CLTC: variants seen among roughly 807,000 people sequenced by gnomAD.
The protein encoded by CLTC is clathrin heavy chain, also known as clathrin heavy chain 1.
In CLTC, 16 loss-of-function variants were observed where a neutral mutation model predicts 195.8. The ratio of observed to expected loss-of-function variants is 0.08; its 90% confidence interval spans 0.06 to 0.12. The LOEUF is 0.12. Among genes scored for constraint, CLTC ranks in the 10% least tolerant of loss-of-function variants. The probability of loss-of-function intolerance (pLI) is 1.00; values close to 1 mark genes in which losing one functional copy is unlikely to be tolerated. For missense variants in CLTC, 796 were observed against 2,027.0 expected (o/e 0.39, Z 11.66); for synonymous variants, 667 against 689.4 (o/e 0.97, Z 0.51).
At chr17:59,687,487 G>T (rs1366160382) in intron 30 of CLTC, among the ~76,000 whole-genome samples, 55 of 141,998 alleles carry the variant, frequency 3.9e-4, no homozygotes, top group East Asian at 1.2e-3. Flanking sequence ...GCTTTTTGGG[G>T]TTTTTTTTTT....
intron 8 of CLTC, among the ~76,000 whole-genome samples, 171 bp downstream of exon 8, chr17:59,661,814 A>AT (rs1275997980): frequency 6.6e-6 from 1 of 151,980 alleles, no homozygotes; most frequent in Non-Finnish European, 1.5e-5. Flanking sequence ...AAAAATATAT[A>AT]TTTTTTCGCC....
At chr17:59,653,262 C>T (rs796876731) in intron 5 of CLTC, among the ~76,000 whole-genome samples, 25 of 150,034 alleles carry the variant, frequency 1.7e-4, no homozygotes, top group East Asian at 1.2e-3. Flanking sequence ...GGTGCGATCT[C>T]GGCTCACTGC....
intron 14 of CLTC, chr17:59,671,052 TAG>T (rs1399802817): frequency 2.0e-5 from 3 of 152,208 alleles, no homozygotes; most frequent in Non-Finnish European, 4.4e-5. Flanking sequence ...TTGTATACTA[TAG>T]ATGTTTAGGC....
In CLTC at chr17:59,685,255, T is replaced by C; in HGVS notation, c.4605+29T>C. On this transcript the variant is annotated intron_variant, in intron 29 of 31. Coordinates refer to ENST00000269122, the MANE Select transcript of CLTC (RefSeq NM_004859.4). This position sits in a 1 kb window ranked among gnomAD's most constrained non-coding sequence, Gnocchi z 5.0. ...GATAAAGTTGCGGGGCAGGGGCTGTTTTAAACCAGGCCTAAAATGGTGTTA... is the reference window on the plus strand; with the variant it reads ...GATAAAGTTGCGGGGCAGGGGCTGTCTTAAACCAGGCCTAAAATGGTGTTA... 1 of 1,552,376 alleles carries C rather than the reference T, an allele frequency of 6.4e-7. No homozygotes were observed. The highest frequency in any genetic ancestry group is 8.7e-7 in the Non-Finnish European group (1 of 1,145,170).
At chr17:59,656,834 C>T (rs1174701045) in intron 6 of CLTC, among the ~76,000 whole-genome samples, 4 of 151,714 alleles carry the variant, frequency 2.6e-5, no homozygotes, top group Admixed American at 1.3e-4. Context: ...TCACTGCACC[C>T]GGCTAATTTC....
intron 1 of CLTC, among the ~76,000 whole-genome samples, chr17:59,636,651 TCTTGTATTTG>T (rs2031869478): frequency 6.6e-6 from 1 of 152,096 alleles, no homozygotes; most frequent in African/African-American, 2.4e-5. Context: ...CCATACCCAG[TCTTGTATTTG>T]CTTGTATTTG....
chr17:59,621,489 T>G (rs1171841311), intron 1 of CLTC, among the ~76,000 whole-genome samples: 3 of 152,230 alleles, frequency 2.0e-5, no homozygotes, highest in Non-Finnish European at 4.4e-5. Context: ...AGGATTCTTG[T>G]TAATAAAAGG....
intron 8 of CLTC, among the ~76,000 whole-genome samples, chr17:59,661,863 GA>G (rs1468116030): frequency 2.0e-5 from 3 of 152,130 alleles, no homozygotes; most frequent in Admixed American, 2.0e-4. Flanking sequence ...AGCACTTTGG[GA>G]GGCCATGGTG....
chr17:59,628,279 C>G (rs2031609244), intron 1 of CLTC, among the ~76,000 whole-genome samples: 1 of 152,168 alleles, frequency 6.6e-6, no homozygotes, highest in African/African-American at 2.4e-5. Flanking sequence ...TTGATTATGT[C>G]AGGTTTTCAA....
At position 59,683,876 on chromosome 17, in the gene CLTC, T is replaced by C. The variant is rs1043437018; in HGVS notation, c.4325T>C (p.Val1442Ala). The C allele has an allele frequency of 4.3e-6, 7 of 1,613,340 alleles. No homozygotes were observed. The Admixed American group carries it at 6.7e-5, about 15-fold the overall frequency. ...HTRAVNYFSKVKQLPLVKPYL... is the reference protein window; with the variant it reads ...HTRAVNYFSKAKQLPLVKPYL... ...TGTAACAAACTCTTTATTTTAAAGG[T>C]TAAACAGCTACCACTGGTGAAACCG... is the stretch of plus-strand genomic sequence containing the variant. The change falls in exon 28 of 32, where the codon GTT (valine) becomes GCT (alanine). Residue 1442 changes from valine (V) to alanine (A), a missense_variant and splice_region_variant. Coordinates refer to ENST00000269122, the MANE Select transcript of CLTC (RefSeq NM_004859.4). This position sits in a 1 kb window ranked among gnomAD's most constrained non-coding sequence, Gnocchi z 6.1.
Position 59,696,681 on chromosome 17 carries a change from G to T in CLTC, c.*2829G>T, listed in dbSNP as rs2033435133. ...AAAGGGAAAAAAGGCACCCTTAATT[G>T]TCAAAGTTAGTTCTAGGAAAAAATA... On this transcript the variant is annotated 3_prime_UTR_variant, in exon 32 of 32. Coordinates refer to ENST00000269122, the MANE Select transcript of CLTC (RefSeq NM_004859.4). The T allele has an allele frequency of 4.8e-6, 1 of 208,692 alleles. No homozygotes were observed. The highest frequency in any genetic ancestry group is 7.3e-5 in the East Asian group (1 of 13,762). The allele number at this position is 208,692 out of a possible 1,614,324, so 12.9% of individuals were successfully genotyped here. A position where few individuals can be genotyped will look rare whatever the true frequency, so the allele number is the denominator to read the frequency against.
intron 10 of CLTC, 139 bp downstream of exon 10, chr17:59,665,048 G>C (rs2032696401): frequency 9.0e-7 from 1 of 1,109,762 alleles, no homozygotes; most frequent in African/African-American, 1.6e-5. Flanking sequence ...AACATTGTGA[G>C]ACCCTGTAAC....
intron 15 of CLTC, among the ~76,000 whole-genome samples, chr17:59,674,421 A>G (rs1419304970): frequency 1.3e-5 from 2 of 152,106 alleles, no homozygotes; most frequent in African/African-American, 4.8e-5. Context: ...TATTTATCAT[A>G]TGGAACAATG....
At chr17:59,663,532 A>G (rs1028594302) in intron 8 of CLTC, among the ~76,000 whole-genome samples, 1 of 152,228 alleles carries the variant, frequency 6.6e-6, no homozygotes, top group African/African-American at 2.4e-5. Flanking sequence ...CTTAGTAGCT[A>G]GAAGTACAAG....
In CLTC at chr17:59,695,706, A is replaced by C. The variant is rs1170314709; in HGVS notation, c.*1854A>C. Reference sequence around the variant, plus strand: ...CTATTTAGTTTCATCCAGGACATTAAGTGAAAGTGTTTAATGTGAGTGCAG... The same window carrying C: ...CTATTTAGTTTCATCCAGGACATTACGTGAAAGTGTTTAATGTGAGTGCAG... On this transcript the variant is annotated 3_prime_UTR_variant, in exon 32 of 32. Transcript: ENST00000269122. 5.2e-6 allele frequency: 1 copy of C among 191,548 alleles called. No homozygotes were observed. Among genetic ancestry groups the C allele is most frequent in the East Asian group, 8.3e-5 (1 of 12,012 alleles). The allele number at this position is 191,548 out of a possible 1,614,324, so 11.9% of individuals were successfully genotyped here. A position where few individuals can be genotyped will look rare whatever the true frequency, so the allele number is the denominator to read the frequency against.
At chr17:59,629,205 G>A (rs1430981388) in intron 1 of CLTC, among the ~76,000 whole-genome samples, 1 of 152,134 alleles carries the variant, frequency 6.6e-6, no homozygotes, top group African/African-American at 2.4e-5. Flanking sequence ...TGGTCATATT[G>A]AACTATGAAA....
At position 59,631,947 on chromosome 17, in the gene CLTC, C is replaced by T. The variant is rs143905243; in HGVS notation, c.42+11774C>T. ...GTCATGCCACTGCACTCAAACCTGG[C>T]GGACAGAGTGAGACCCTATCTCAAA... On this transcript the variant is annotated intron_variant, in intron 1 of 31. Transcript: ENST00000269122. Among the ~76,000 whole-genome samples the T allele has an allele frequency of 5.7e-3, 809 of 140,716 alleles. 2 individuals carry two copies. The highest frequency in any genetic ancestry group is 0.012 in the Middle Eastern group (3 of 256). 92.3% of individuals were successfully genotyped at this position (140,716 alleles called of 152,430 possible).
At chr17:59,690,004 CAATT>C (rs1752485116) in intron 30 of CLTC, 2 of 152,322 alleles carry the variant, frequency 1.3e-5, no homozygotes, top group South Asian at 2.1e-4. Flanking sequence ...ACTTTTGGCT[CAATT>C]AAAAGCAAAC....
rs2032858029 is a variant in CLTC, at chr17:59,672,011, C to G, written c.2293-1636C>G. Among the ~76,000 whole-genome samples the G allele has an allele frequency of 1.3e-5, 2 of 152,118 alleles. 1 individual carries two copies. The highest frequency in any genetic ancestry group is 4.1e-4 in the South Asian group (2 of 4,820). The stretch of plus-strand genomic sequence containing the variant: ...CTTCCTTTGTTCCCTGCTGTATCTC[C>G]AGTACCTAAGAACAGAGTCTGATAC... On this transcript the variant is annotated intron_variant, in intron 14 of 31. Transcript: ENST00000269122.
Sources: allele counts gnomAD v4.1 joint callset (sites outside exome capture counted in the v4.1 genomes callset), GRCh38; gene constraint gnomAD v4.1.1; non-coding constraint Gnocchi (gnomAD v3.1); transcripts MANE v1.5; gene names NCBI Gene and HGNC (gene_info 2026-07-23, HGNC 2026-07-21).